The following MCPH1 variants were observed in gnomAD, a reference collection of about 807,000 sequenced individuals.
The protein encoded by MCPH1 is microcephalin 1.
MCPH1 carries 104 observed loss-of-function variants against 84.5 expected under a neutral mutation model. The observed-to-expected ratio is 1.23, with a 90% CI of 1.05 to 1.45. The LOEUF is 1.45. Ranked by LOEUF, MCPH1 falls within the 40% of genes most tolerant of loss-of-function variation. The pLI, the probability that MCPH1 is intolerant of heterozygous loss-of-function variation, is 0.00. For synonymous variants in MCPH1, 514 were observed against 366.8 expected, an observed-to-expected ratio of 1.40 and a Z score of -4.58; for missense variants, 1,498 against 1,005.7, an observed-to-expected ratio of 1.49 and a Z score of -6.62.
At chr8:6,432,413 C>T (rs1801977268) in intron 4 of MCPH1, among the ~76,000 whole-genome samples, 1 of 152,076 alleles carries the variant, frequency 6.6e-6, no homozygotes. Context: ...CTGGTTGAAT[C>T]CATAGATCTG....
At chr8:6,503,218 C>G in intron 12 of MCPH1, 1 of 1,614,100 alleles carries the variant, frequency 6.2e-7, no homozygotes, top group Non-Finnish European at 8.5e-7. Context: ...GTGGATAGTA[C>G]ATTCCGTTCA....
intron 9 of MCPH1, among the ~76,000 whole-genome samples, chr8:6,469,015 C>G (rs1027040893): frequency 1.3e-5 from 2 of 151,978 alleles, no homozygotes; most frequent in African/African-American, 4.8e-5. Flanking sequence ...GGAGTGAGAC[C>G]TCATCTCTAC....
chr8:6,529,623 AT>A lies in MCPH1; in HGVS notation c.2214+29715del, dbSNP rs35322987. 2.1e-3 allele frequency among the ~76,000 whole-genome samples: 258 copies of A among 120,956 alleles called. 1 individual carries two copies. Among genetic ancestry groups the A allele is most frequent in the African/African-American group, 4.5e-3 (146 of 32,110 alleles). The allele number at this position is 120,956 out of a possible 152,430, so 79.4% of individuals were successfully genotyped here. A position where few individuals can be genotyped will look rare whatever the true frequency, so the allele number is the denominator to read the frequency against. On this transcript the variant is annotated intron_variant, in intron 12 of 13. Coordinates refer to ENST00000344683, the MANE Select transcript of MCPH1 (RefSeq NM_024596.5). ...AAGTGCACACAAGCACGCCTGGCTA[AT>A]TTTTTTTTTTTTTTTTTTTTGGTAG... is the stretch of plus-strand genomic sequence containing the variant.
intron 11 of MCPH1, among the ~76,000 whole-genome samples, chr8:6,493,363 C>G (rs1452148620): frequency 6.6e-6 from 1 of 152,130 alleles, no homozygotes; most frequent in African/African-American, 2.4e-5. Flanking sequence ...TTGAGGTGAG[C>G]TTTTTCATAA....
chr8:6,505,258 T>TA (rs1563305213), intron 12 of MCPH1, among the ~76,000 whole-genome samples: 31 of 30,700 alleles, frequency 1.0e-3, no homozygotes, highest in East Asian at 6.0e-3. Flanking sequence ...TCTTTATATA[T>TA]GTTTTATATA....
chr8:6,567,585 C>T (rs1206552078), intron 12 of MCPH1, among the ~76,000 whole-genome samples: 1 of 152,216 alleles, frequency 6.6e-6, no homozygotes, highest in Non-Finnish European at 1.5e-5. Context: ...GATGGGCGCT[C>T]AGCTGTGGCC....
At chr8:6,623,418 G>C (rs1384322511) in intron 13 of MCPH1, among the ~76,000 whole-genome samples, 1 of 151,012 alleles carries the variant, frequency 6.6e-6, no homozygotes, top group East Asian at 1.9e-4. Flanking sequence ...CTCCTTCCAT[G>C]TTTCCTATTC....
chr8:6,535,576 G>C (rs1006154609), intron 12 of MCPH1, among the ~76,000 whole-genome samples: 32 of 152,130 alleles, frequency 2.1e-4, no homozygotes, highest in African/African-American at 7.2e-4. Flanking sequence ...TATACAGATA[G>C]GTATATAGCA....
At chr8:6,552,538 A>G (rs1208509984) in intron 12 of MCPH1, among the ~76,000 whole-genome samples, 1 of 152,164 alleles carries the variant, frequency 6.6e-6, no homozygotes, top group African/African-American at 2.4e-5. Context: ...TGGAATTATA[A>G]CCTTTAACTA....
At chr8:6,424,018 C>T (rs960049521) in intron 3 of MCPH1, among the ~76,000 whole-genome samples, 3 of 152,130 alleles carry the variant, frequency 2.0e-5, no homozygotes, top group Non-Finnish European at 4.4e-5. Flanking sequence ...GGTGAACTGC[C>T]TGCCTTTCCA....
chr8:6,556,380 G>A (rs3020233), intron 12 of MCPH1, among the ~76,000 whole-genome samples: 2 of 151,968 alleles, frequency 1.3e-5, no homozygotes, highest in African/African-American at 2.4e-5. Context: ...AGCAACCATT[G>A]AGAAATAGTT....
chr8:6,524,469 C>G (rs1423460093), intron 12 of MCPH1, among the ~76,000 whole-genome samples: 2 of 152,192 alleles, frequency 1.3e-5, no homozygotes, highest in Non-Finnish European at 2.9e-5. Flanking sequence ...CTGAAGCCTC[C>G]TGAGTCACTT....
chr8:6,591,850 G>T (rs1003821358), intron 12 of MCPH1, among the ~76,000 whole-genome samples: 2 of 152,130 alleles, frequency 1.3e-5, no homozygotes, highest in Non-Finnish European at 2.9e-5. Context: ...ACAAAAAAAG[G>T]AGTTGAAAGT....
chr8:6,452,690 T>C (rs2129556566), intron 8 of MCPH1, among the ~76,000 whole-genome samples: 2 of 152,356 alleles, frequency 1.3e-5, no homozygotes, highest in Admixed American at 1.3e-4. Context: ...ACCAGAGAAC[T>C]GGCTTCCTCT....
chr8:6,625,305 G>C, intron 13 of MCPH1: 1 of 985,470 alleles, frequency 1.0e-6, no homozygotes, highest in Non-Finnish European at 1.2e-6. Context: ...GGCAGGCGTA[G>C]GCTTCTTAAG....
chr8:6,529,278 C>T (rs1818989219), intron 12 of MCPH1, among the ~76,000 whole-genome samples: 3 of 152,146 alleles, frequency 2.0e-5, no homozygotes, highest in Admixed American at 2.0e-4. Flanking sequence ...CATTGTTGCT[C>T]AATTTGATCG....
intron 12 of MCPH1, among the ~76,000 whole-genome samples, chr8:6,523,844 T>C (rs967395727): frequency 2.0e-4 from 30 of 151,670 alleles, no homozygotes; most frequent in African/African-American, 7.3e-4. Context: ...ACCTCGGCCT[T>C]CCAAAGTGCT....
chr8:6,439,242 A>G, intron 6 of MCPH1, 146 bp downstream of exon 6: 1 of 792,464 alleles, frequency 1.3e-6, no homozygotes. Context: ...TGTTTTCCAG[A>G]AAATCTTATG....
chr8:6,474,581 A>G (rs1448624029), intron 9 of MCPH1, among the ~76,000 whole-genome samples: 1 of 152,240 alleles, frequency 6.6e-6, no homozygotes, highest in Non-Finnish European at 1.5e-5. Context: ...TGTCAGGTTA[A>G]TGATTCAATT....
Sources: allele counts gnomAD v4.1 joint callset (sites outside exome capture counted in the v4.1 genomes callset), GRCh38; gene constraint gnomAD v4.1.1; transcripts MANE v1.5; gene names NCBI Gene and HGNC (gene_info 2026-07-23, HGNC 2026-07-21).